NOD1: variants seen among roughly 807,000 people sequenced by gnomAD.
The protein encoded by NOD1 is nucleotide-binding oligomerization domain-containing protein 1.
NOD1 carries 70 observed loss-of-function variants against 81.2 expected under a neutral mutation model. That is an observed-to-expected ratio of 0.86 (90% CI 0.71 to 1.05). The LOEUF is 1.05. Ranked by LOEUF, NOD1 falls within the 50% of genes least tolerant of loss-of-function variation. NOD1 has a pLI of 0.00. For missense variants in NOD1, 1,233 were observed against 1,228.0 expected, an observed-to-expected ratio of 1.00 and a Z score of -0.06; for synonymous variants, 508 against 526.9, an observed-to-expected ratio of 0.96 and a Z score of 0.49.
chr7:30,464,783 G>A (rs192210483), intron 1 of NOD1, among the ~76,000 whole-genome samples: 11 of 152,306 alleles, frequency 7.2e-5, no homozygotes, highest in Middle Eastern at 3.4e-3. Context: ...TTTCTGTGCC[G>A]TGATTGCCTC....
chr7:30,447,272 C>A, intron 7 of NOD1: 2 of 606,418 alleles, frequency 3.3e-6, no homozygotes, highest in East Asian at 3.2e-5. Flanking sequence ...CGTTACCTCT[C>A]TGTGCCTCAG....
In NOD1 at chr7:30,433,151, C is replaced by A; in HGVS notation, c.2650G>T (p.Val884Leu). Residue 884 changes from valine (V) to leucine (L), a missense_variant, in exon 12 of 14, where the codon GTG becomes TTG. Physicochemically the swap from Val to Leu is conservative, Grantham distance 32. Coordinates refer to ENST00000222823, the MANE Select transcript of NOD1 (RefSeq NM_006092.4). ...WLTQNELNDE[V>L]AESLAEMLKV... ...AACATTTCTGCCAAACTCTCTGCCA[C>A]TTCATCGTTGAGTTCATTTTGGGTC... The A allele has an allele frequency of 6.2e-7, 1 of 1,614,102 alleles. No individual in the cohort carries two copies.
rs144535612 is a variant in NOD1, at chr7:30,452,776, C to T, written c.641G>A (p.Arg214Gln). Reference sequence around the variant, plus strand: ...GCCCGTGGCCCAGAGGCTCTGCAGCCGCTGTAGCAGCATGGACTTGCCCAC... The same window carrying T: ...GCCCGTGGCCCAGAGGCTCTGCAGCTGCTGTAGCAGCATGGACTTGCCCAC... ...AGVGKSMLLQRLQSLWATGRL... is the reference protein window; with the variant it reads ...AGVGKSMLLQQLQSLWATGRL... Residue 214 changes from arginine to glutamine, a missense_variant, in exon 6 of 14, where the codon CGG (arginine) becomes CAG (glutamine). Transcript: ENST00000222823. The T allele has an allele frequency of 4.3e-4, 690 of 1,614,120 alleles. No individual in the cohort carries two copies. In the African/African-American group the frequency reaches 8.5e-3, roughly 20 times the overall value.
At chr7:30,450,518 G>A (rs1785580260) in intron 6 of NOD1, among the ~76,000 whole-genome samples, 1 of 152,132 alleles carries the variant, frequency 6.6e-6, no homozygotes, top group Non-Finnish European at 1.5e-5. Context: ...AAACAGACTG[G>A]GCTCTGTTTC....
intron 9 of NOD1, among the ~76,000 whole-genome samples, chr7:30,438,944 A>C (rs1202216555): frequency 6.6e-6 from 1 of 152,224 alleles, no homozygotes; most frequent in Admixed American, 6.5e-5. Flanking sequence ...ATAGTTTCCA[A>C]ATAAAATTAC....
chr7:30,456,968 C>T lies in NOD1; in HGVS notation c.-47G>A, dbSNP rs372450053. 37 of 1,511,272 alleles carry T rather than the reference C, an allele frequency of 2.4e-5. No individual in the cohort carries two copies. The highest frequency in any genetic ancestry group is 9.6e-5 in the African/African-American group (7 of 72,878). 93.6% of individuals were successfully genotyped at this position (1,511,272 alleles called of 1,614,324 possible). A position where few individuals can be genotyped will look rare whatever the true frequency, so the allele number is the denominator to read the frequency against. On this transcript the variant is annotated 5_prime_UTR_variant, in exon 4 of 14. Transcript: ENST00000222823. Reference sequence around the variant, plus strand: ...CTTTTCCCAAATTCATCTTCAGCTGCGTGTGTCCTCTCAGCAGAAGGGCAA... The same window carrying T: ...CTTTTCCCAAATTCATCTTCAGCTGTGTGTGTCCTCTCAGCAGAAGGGCAA...
chr7:30,446,691 CA>C, intron 8 of NOD1: 1 of 442,448 alleles, frequency 2.3e-6, no homozygotes, highest in Non-Finnish European at 4.0e-6. Flanking sequence ...TCCCTTGGGG[CA>C]AAAAGACCAC....
chr7:30,438,480 T>A (rs1263676004), intron 9 of NOD1, among the ~76,000 whole-genome samples: 2 of 152,212 alleles, frequency 1.3e-5, no homozygotes, highest in African/African-American at 4.8e-5. Flanking sequence ...CGTGTGTGGC[T>A]CACACAAAGC....
At position 30,451,130 on chromosome 7, in the gene NOD1, G is replaced by A; in HGVS notation, c.2201+86C>T. On this transcript the variant is annotated intron_variant, in intron 6 of 13. Transcript: ENST00000222823. This position sits in a 1 kb window ranked among gnomAD's most constrained non-coding sequence, Gnocchi z 4.2. ...AGGGCCATGGTCATGAGTCCTGGGG[G>A]ATCCTGGTCCATGATGCCATTCCCG... 1 of 1,446,522 alleles carries A rather than the reference G, an allele frequency of 6.9e-7. No individual in the cohort carries two copies. The highest frequency in any genetic ancestry group is 9.3e-7 in the Non-Finnish European group (1 of 1,070,544). 89.6% of individuals were successfully genotyped at this position (1,446,522 alleles called of 1,614,324 possible). A position where few individuals can be genotyped will look rare whatever the true frequency, so the allele number is the denominator to read the frequency against.
chr7:30,438,252 C>G (rs981101504), intron 9 of NOD1, among the ~76,000 whole-genome samples: 1 of 152,188 alleles, frequency 6.6e-6, no homozygotes, highest in East Asian at 1.9e-4. Flanking sequence ...GTATTCTGTC[C>G]CCTACAGCAG....
chr7:30,472,897 T>C (rs574099396), intron 1 of NOD1, among the ~76,000 whole-genome samples: 1 of 152,304 alleles, frequency 6.6e-6, no homozygotes, highest in South Asian at 2.1e-4. Flanking sequence ...CCAAATTCCA[T>C]ATGGCCAGAG....
chr7:30,461,296 G>A (rs572913261), intron 1 of NOD1, among the ~76,000 whole-genome samples: 5 of 152,102 alleles, frequency 3.3e-5, no homozygotes, highest in Non-Finnish European at 2.9e-5. Flanking sequence ...TCCTGCCTCC[G>A]CCTCCTAAGT....
chr7:30,476,046 C>G (rs1788745614), intron 1 of NOD1: 1 of 152,122 alleles, frequency 6.6e-6, no homozygotes, highest in Non-Finnish European at 1.5e-5. Flanking sequence ...AGAGCCTCTG[C>G]ATGACAAAAA....
rs745465888 is a variant in NOD1, at chr7:30,456,956, C to T, written c.-35G>A. ...AGCAAGCGGCTACTTTTCCCAAATT[C>T]ATCTTCAGCTGCGTGTGTCCTCTCA... On this transcript the variant is annotated 5_prime_UTR_variant, in exon 4 of 14. It removes an upstream start codon present in the reference 5' UTR. Transcript: ENST00000222823. 31 of 1,580,826 alleles carry T rather than the reference C, an allele frequency of 2.0e-5. No homozygotes were observed. The highest frequency in any genetic ancestry group is 2.7e-5 in the Non-Finnish European group (31 of 1,150,030).
intron 11 of NOD1, among the ~76,000 whole-genome samples, chr7:30,434,825 A>G (rs1784247333): frequency 6.6e-6 from 1 of 152,236 alleles, no homozygotes; most frequent in Non-Finnish European, 1.5e-5. Flanking sequence ...TCTCATGAAG[A>G]GGATATTGTC....
At position 30,452,598 on chromosome 7, in the gene NOD1, C is replaced by T. The variant is rs777914228; in HGVS notation, c.819G>A (p.Leu273=). 1 of 1,613,674 alleles carries T rather than the reference C, an allele frequency of 6.2e-7. No individual in the cohort carries two copies. ...RDPEEVFAFL[L]RFPHVALFTF... Reference sequence around the variant, plus strand: ...TGAAGAGGGCCACGTGGGGGAAGCGCAGCAGGAAGGCAAACACCTCCTCGG... The same window carrying T: ...TGAAGAGGGCCACGTGGGGGAAGCGTAGCAGGAAGGCAAACACCTCCTCGG... The change falls in exon 6 of 14, where the codon CTG becomes CTA. Residue 273 remains leucine (L), a synonymous_variant. Transcript: ENST00000222823.
intron 13 of NOD1, among the ~76,000 whole-genome samples, chr7:30,427,852 A>G (rs138474104): frequency 6.6e-6 from 1 of 152,300 alleles, no homozygotes; most frequent in East Asian, 1.9e-4. Context: ...GTGCTCTGCA[A>G]ACTGTTCTGT....
intron 12 of NOD1, among the ~76,000 whole-genome samples, chr7:30,432,632 T>C (rs1784044147): frequency 6.6e-6 from 1 of 152,202 alleles, no homozygotes; most frequent in Non-Finnish European, 1.5e-5. Context: ...CCCAAAAGCA[T>C]GAACAGGAGT....
At chr7:30,427,815 A>C (rs1783587566) in intron 13 of NOD1, among the ~76,000 whole-genome samples, 1 of 152,258 alleles carries the variant, frequency 6.6e-6, no homozygotes, top group South Asian at 2.1e-4. Flanking sequence ...CCGCCTGACC[A>C]GCTACAGAGA....
Sources: gnomAD v4.1 joint callset for allele counts (sites outside exome capture counted in the v4.1 genomes callset) on GRCh38, gnomAD v4.1.1 for gene constraint, Gnocchi (gnomAD v3.1) non-coding constraint, MANE v1.5 for transcripts, NCBI Gene and HGNC (gene_info 2026-07-23, HGNC 2026-07-21) for gene names.